PTPRO: variants seen among roughly 807,000 people sequenced by gnomAD.
PTPRO encodes receptor-type tyrosine-protein phosphatase O.
In PTPRO, 62 loss-of-function variants were observed where a neutral mutation model predicts 145.2. That is an observed-to-expected ratio of 0.43 (90% confidence interval 0.35 to 0.53). PTPRO has a LOEUF of 0.53. Ranked by LOEUF, PTPRO falls within the 20% of genes least tolerant of loss-of-function variation. PTPRO has a pLI of 0.01. For synonymous variants in PTPRO, 565 were observed against 514.7 expected, an observed-to-expected ratio of 1.10 and a Z score of -1.32; for missense variants, 1,345 against 1,482.7, an observed-to-expected ratio of 0.91 and a Z score of 1.53.
At chr12:15,332,142 T>A (rs1444907749) in intron 1 of PTPRO, among the ~76,000 whole-genome samples, 3 of 152,102 alleles carry the variant, frequency 2.0e-5, no homozygotes, top group Non-Finnish European at 2.9e-5. Flanking sequence ...ATTTTTTGTA[T>A]TTTTAGTAGA....
intron 1 of PTPRO, among the ~76,000 whole-genome samples, chr12:15,375,403 C>A (rs1938651995): frequency 6.6e-6 from 1 of 152,040 alleles, no homozygotes; most frequent in African/African-American, 2.4e-5. Flanking sequence ...AACAGGAATC[C>A]TTTTCAAAGA....
chr12:15,351,191 G>A (rs1485178861), intron 1 of PTPRO, among the ~76,000 whole-genome samples: 4 of 151,926 alleles, frequency 2.6e-5, no homozygotes, highest in Non-Finnish European at 4.4e-5. Context: ...CTTCACAGTC[G>A]TCCTTGAAAT....
chr12:15,364,705 A>G (rs1404473715), intron 1 of PTPRO, among the ~76,000 whole-genome samples: 1 of 152,158 alleles, frequency 6.6e-6, no homozygotes, highest in Non-Finnish European at 1.5e-5. Context: ...AGCAACAGTG[A>G]CACATGCCTG....
chr12:15,434,001 C>G lies in PTPRO; in HGVS notation c.76-49973C>G, dbSNP rs112346930. On this transcript the variant is annotated intron_variant, in intron 1 of 26. Transcript: ENST00000281171. ...AATCCTCCAAAATTTTCTGTCCTTT[C>G]ACTGAATATGTGGTCTCTTGGTCAC... is the stretch of plus-strand genomic sequence containing the variant. 7.2e-5 allele frequency among the ~76,000 whole-genome samples: 11 copies of G among 152,284 alleles called. 1 individual carries two copies. The highest frequency in any genetic ancestry group is 2.6e-4 in the African/African-American group (11 of 41,558).
At chr12:15,380,832 A>G (rs1938838496) in intron 1 of PTPRO, among the ~76,000 whole-genome samples, 1 of 152,194 alleles carries the variant, frequency 6.6e-6, no homozygotes, top group African/African-American at 2.4e-5. Context: ...ACCAAAATAT[A>G]CTTTCATTTG....
intron 1 of PTPRO, among the ~76,000 whole-genome samples, chr12:15,408,642 G>A (rs1939710605): frequency 6.6e-6 from 1 of 152,134 alleles, no homozygotes; most frequent in South Asian, 2.1e-4. Context: ...TGGCCAGGCT[G>A]GTCTTGAACT....
chr12:15,582,184 G>A (rs924441025), intron 23 of PTPRO, among the ~76,000 whole-genome samples: 2 of 152,266 alleles, frequency 1.3e-5, no homozygotes, highest in Non-Finnish European at 2.9e-5. Context: ...CGCCCTGGGA[G>A]GGCCAGGTGT....
chr12:15,330,125 T>A (rs1417849089), intron 1 of PTPRO, among the ~76,000 whole-genome samples: 1 of 152,186 alleles, frequency 6.6e-6, no homozygotes, highest in African/African-American at 2.4e-5. Flanking sequence ...ATTAGTGAGA[T>A]AAGAGTTGCA....
rs747573173 is a variant in PTPRO at position 15,516,955 on chromosome 12, T to C, written c.1778T>C (p.Val593Ala). The change falls in exon 9 of 27, where the codon GTG becomes GCG. Residue 593 changes from valine to alanine, a missense_variant and splice_region_variant. Val to Ala is a moderately conservative substitution (Grantham distance 64, BLOSUM62 0). This residue lies in a region of PTPRO where 1,130 missense variants were observed against 1,214.7 expected (regional missense o/e 0.93). Coordinates refer to ENST00000281171, the MANE Select transcript of PTPRO (RefSeq NM_030667.3). Reference sequence around the variant, plus strand: ...GCAACTGTTTCCTTAACTGCATCCGTGGTAATCTTCCCTTAACCAACTGTC... The same window carrying C: ...GCAACTGTTTCCTTAACTGCATCCGCGGTAATCTTCCCTTAACCAACTGTC... ...IAATVSLTAS[V>A]RIANLLPAWY... 1.2e-6 allele frequency: 2 copies of C among 1,611,904 alleles called. No homozygotes were observed. The highest frequency in any genetic ancestry group is 1.7e-6 in the Non-Finnish European group (2 of 1,177,956).
chr12:15,542,694 G>A (rs56260738), intron 12 of PTPRO, among the ~76,000 whole-genome samples: 96,384 of 152,130 alleles, frequency 0.63, 31,196 homozygotes, highest in East Asian at 0.71. Context: ...TATACTTTAT[G>A]TAACCAAATA....
At chr12:15,575,493 T>C (rs1944162754) in intron 19 of PTPRO, among the ~76,000 whole-genome samples, 1 of 152,216 alleles carries the variant, frequency 6.6e-6, no homozygotes, top group Non-Finnish European at 1.5e-5. Context: ...TCCAGAACTG[T>C]GAGACATAAA....
At chr12:15,324,554 T>A (rs372370990) in intron 1 of PTPRO, among the ~76,000 whole-genome samples, 1 of 152,230 alleles carries the variant, frequency 6.6e-6, no homozygotes, top group Non-Finnish European at 1.5e-5. Flanking sequence ...ATGTAAATTA[T>A]GGCAAACTGC....
chr12:15,560,087 TATTA>T (rs1258135096), intron 16 of PTPRO, 102 bp from the exon 17 acceptor site: 6 of 817,080 alleles, frequency 7.3e-6, no homozygotes, highest in Non-Finnish European at 1.3e-5. Context: ...GTGCTTGTCA[TATTA>T]ATTAATCCCA....
At chr12:15,354,874 G>A (rs1400023200) in intron 1 of PTPRO, among the ~76,000 whole-genome samples, 1 of 152,144 alleles carries the variant, frequency 6.6e-6, no homozygotes, top group East Asian at 1.9e-4. Context: ...CTAAGTAAAT[G>A]TCAGTGCACT....
intron 17 of PTPRO, among the ~76,000 whole-genome samples, chr12:15,564,327 C>A (rs1374423387): frequency 6.6e-6 from 1 of 152,190 alleles, no homozygotes; most frequent in Non-Finnish European, 1.5e-5. Context: ...ATCAGAACAT[C>A]ACAAGCCCAA....
chr12:15,501,732 A>C lies in PTPRO; in HGVS notation c.774A>C (p.Thr258=). 6.2e-7 allele frequency: 1 copy of C among 1,614,050 alleles called. No individual in the cohort carries two copies. The change falls in exon 5 of 27, where the codon ACA becomes ACC. Residue 258 remains threonine (T), a synonymous_variant. Transcript: ENST00000281171. ...AATCCTTCATGAGATCACAAGATAC[A>C]ATAGGAAAAGAAAAACTCTTCCATT... ...PEESFMRSQD[T]IGKEKLFHFT...
At chr12:15,531,640 A>G (rs1186199368) in intron 12 of PTPRO, among the ~76,000 whole-genome samples, 2 of 152,206 alleles carry the variant, frequency 1.3e-5, no homozygotes, top group African/African-American at 4.8e-5. Context: ...TCTGCCACAG[A>G]CAATGGAGGA....
At position 15,499,583 on chromosome 12, in the gene PTPRO, A is replaced by G. The variant is rs762995609; in HGVS notation, c.650A>G (p.Gln217Arg). ...EYSGVSHEPK[Q>R]HRTAPYPPQN... ...AGTGGTGTCAGTCACGAACCCAAAC[A>G]GCACAGAACTGGTAAGTCTCCTGAA... Residue 217 changes from glutamine (Q) to arginine (R), a missense_variant, in exon 4 of 27, where the codon CAG (glutamine) becomes CGG (arginine). Physicochemically the swap from Gln to Arg is conservative, Grantham distance 43. This residue lies in a region of PTPRO where 1,130 missense variants were observed against 1,214.7 expected (regional missense o/e 0.93). Coordinates refer to ENST00000281171, the MANE Select transcript of PTPRO (RefSeq NM_030667.3). The G allele has an allele frequency of 9.9e-6, 16 of 1,613,622 alleles. 1 individual carries two copies. Among genetic ancestry groups the G allele is most frequent in the East Asian group, 8.9e-5 (4 of 44,858 alleles).
chr12:15,500,232 C>A (rs978468479), intron 4 of PTPRO, among the ~76,000 whole-genome samples: 2 of 151,992 alleles, frequency 1.3e-5, no homozygotes, highest in Non-Finnish European at 2.9e-5. Context: ...GCTGGAGAGG[C>A]CATTCTGATG....
Sources: gnomAD v4.1 joint callset for allele counts (sites outside exome capture counted in the v4.1 genomes callset) on GRCh38, gnomAD v4.1.1 for gene constraint, gnomAD v4.1.1 regional missense constraint, MANE v1.5 for transcripts, NCBI Gene and HGNC (gene_info 2026-07-23, HGNC 2026-07-21) for gene names.